Variants in FBXO28 observed in about 807,000 individuals in gnomAD.
The protein encoded by FBXO28 is F-box protein 28.
In FBXO28, 8 loss-of-function variants were observed where a neutral mutation model predicts 38.1. The observed-to-expected ratio is 0.21, with a 90% confidence interval of 0.12 to 0.38. FBXO28 has a LOEUF of 0.38. Among genes scored for constraint, FBXO28 ranks in the 10% least tolerant of loss-of-function variants. FBXO28 has a pLI of 1.00. For synonymous variants in FBXO28, 168 were observed against 173.8 expected, an observed-to-expected ratio of 0.97 and a Z score of 0.26; for missense variants, 345 against 460.6, an observed-to-expected ratio of 0.75 and a Z score of 2.30.
At chr1:224,128,633 TATA>T (rs890689830) in intron 1 of FBXO28, among the ~76,000 whole-genome samples, 12 of 152,132 alleles carry the variant, frequency 7.9e-5, no homozygotes, top group African/African-American at 2.2e-4. Context: ...CAAGAATGCA[TATA>T]AGTTGTACTC....
chr1:224,121,665 T>G (rs1341151663), intron 1 of FBXO28, among the ~76,000 whole-genome samples: 1 of 150,420 alleles, frequency 6.6e-6, no homozygotes, highest in African/African-American at 2.4e-5. Context: ...AAATAGAACT[T>G]TTTTTTTTTC....
rs536134793 is a variant in FBXO28 at position 224,120,405 on chromosome 1, T to G, written c.267+6009T>G. Among the ~76,000 whole-genome samples the G allele has an allele frequency of 1.9e-4, 29 of 152,366 alleles. 1 individual carries two copies. In the Middle Eastern group the frequency reaches 0.01, roughly 54 times the overall value. On this transcript the variant is annotated intron_variant, in intron 1 of 4. Coordinates refer to ENST00000366862, the MANE Select transcript of FBXO28 (RefSeq NM_015176.4). ...TTTATGTAGGTAATATTTCTAAGTT[T>G]CCATTGCATCATTATTGCACTTACT...
intron 2 of FBXO28, 31 bp downstream of exon 2, chr1:224,130,612 A>G (rs778389775): frequency 1.4e-6 from 2 of 1,460,844 alleles, no homozygotes; most frequent in Admixed American, 1.7e-5. Flanking sequence ...ACAATGATGT[A>G]CAGTTGGTTT....
intron 4 of FBXO28, among the ~76,000 whole-genome samples, chr1:224,157,134 A>C (rs1248562545): frequency 6.6e-6 from 1 of 152,204 alleles, no homozygotes; most frequent in Non-Finnish European, 1.5e-5. Flanking sequence ...GGCAGTCTAC[A>C]TACTGCCACA....
At chr1:224,142,621 G>T (rs933235617) in intron 3 of FBXO28, among the ~76,000 whole-genome samples, 1 of 151,944 alleles carries the variant, frequency 6.6e-6, no homozygotes, top group African/African-American at 2.4e-5. Context: ...TTCAAGACCA[G>T]CCTGGCCAAC....
chr1:224,123,502 T>C (rs1656828155), intron 1 of FBXO28, among the ~76,000 whole-genome samples: 1 of 146,948 alleles, frequency 6.8e-6, no homozygotes, highest in Non-Finnish European at 1.5e-5. Context: ...GATTCTAAGA[T>C]ATAAGGGTCT....
chr1:224,131,833 T>C (rs1488068691), intron 2 of FBXO28, among the ~76,000 whole-genome samples: 1 of 152,198 alleles, frequency 6.6e-6, no homozygotes, highest in Non-Finnish European at 1.5e-5. Context: ...GTAAAACTTT[T>C]GTGGCTCAAA....
intron 3 of FBXO28, chr1:224,134,483 T>C (rs1268252318): frequency 7.9e-6 from 2 of 253,086 alleles, no homozygotes; most frequent in East Asian, 2.0e-4. Flanking sequence ...GAGGTTTTAC[T>C]GGTGGTTATG....
chr1:224,116,788 T>G (rs1656652809), intron 1 of FBXO28, among the ~76,000 whole-genome samples: 1 of 152,224 alleles, frequency 6.6e-6, no homozygotes, highest in Non-Finnish European at 1.5e-5. Context: ...CAATAACATT[T>G]TTCAGTTATT....
At position 224,114,333 on chromosome 1, in the gene FBXO28, C is replaced by T. The variant is rs369409868; in HGVS notation, c.204C>T (p.Pro68=). 3 of 1,591,566 alleles carry T rather than the reference C, an allele frequency of 1.9e-6. No homozygotes were observed. Among genetic ancestry groups the T allele is most frequent in the Non-Finnish European group, 8.6e-7 (1 of 1,168,978 alleles). The change falls in exon 1 of 5, where the codon CCC becomes CCT. Residue 68 remains proline, a synonymous_variant. Transcript: ENST00000366862. The part of the protein sequence containing the change: ...LPQNNTLVAL[P]IVAIENILSF... ...AAAACAACACGCTTGTGGCGCTGCC[C>T]ATCGTAGCCATCGAGAACATCCTCA...
At chr1:224,135,478 G>C (rs905676585) in intron 3 of FBXO28, among the ~76,000 whole-genome samples, 1 of 151,958 alleles carries the variant, frequency 6.6e-6, no homozygotes, top group South Asian at 2.1e-4. Flanking sequence ...CGGCTGTAGT[G>C]GCTCGCACCT....
At chr1:224,157,265 A>G in intron 4 of FBXO28, 87 bp from the exon 5 acceptor site, 2 of 1,441,188 alleles carry the variant, frequency 1.4e-6, no homozygotes, top group Non-Finnish European at 1.9e-6. Context: ...GTGACATAGT[A>G]AGGGTATTCC....
At position 224,157,801 on chromosome 1, in the gene FBXO28, T is replaced by C. The variant is rs1440193058; in HGVS notation, c.*55T>C. 2.0e-5 allele frequency: 31 copies of C among 1,535,626 alleles called. No individual in the cohort carries two copies. Among genetic ancestry groups the C allele is most frequent in the Non-Finnish European group, 2.6e-5 (30 of 1,146,922 alleles). Reference sequence around the variant, plus strand: ...GACACAGCTTAGTAGCTTAAGCAGTTATGCATATCAGGATACTGTGAGCAA... The same window carrying C: ...GACACAGCTTAGTAGCTTAAGCAGTCATGCATATCAGGATACTGTGAGCAA... On this transcript the variant is annotated 3_prime_UTR_variant, in exon 5 of 5. Transcript: ENST00000366862.
chr1:224,147,851 A>T (rs1657548910), intron 3 of FBXO28, among the ~76,000 whole-genome samples: 1 of 151,620 alleles, frequency 6.6e-6, no homozygotes, highest in Admixed American at 6.6e-5. Flanking sequence ...AAAAAGATTA[A>T]ATCTACTCAG....
At chr1:224,128,231 TTATTA>T (rs1467533948) in intron 1 of FBXO28, among the ~76,000 whole-genome samples, 2 of 84,510 alleles carry the variant, frequency 2.4e-5, no homozygotes, top group South Asian at 4.1e-4. Context: ...ATGTCTTTTT[TTATTA>T]TTATTATTAT....
chr1:224,139,453 A>C lies in FBXO28; in HGVS notation c.516+5241A>C, dbSNP rs142462726. Among the ~76,000 whole-genome samples the C allele has an allele frequency of 1.3e-4, 19 of 151,856 alleles. No homozygotes were observed. The East Asian group carries it at 3.3e-3, about 26-fold the overall frequency. On this transcript the variant is annotated intron_variant, in intron 3 of 4. Transcript: ENST00000366862. ...GTTTGCTTTTATTTTCTCTTTATAA[A>C]TACATTTTGGCCGAGCACAGTGGCT...
intron 4 of FBXO28, among the ~76,000 whole-genome samples, chr1:224,155,767 T>C (rs1412565507): frequency 1.3e-5 from 2 of 152,244 alleles, no homozygotes; most frequent in Non-Finnish European, 2.9e-5. Context: ...TGTTATTTAT[T>C]GAGTACCTAT....
chr1:224,148,625 G>C (rs1417021338), intron 3 of FBXO28, among the ~76,000 whole-genome samples: 1 of 151,396 alleles, frequency 6.6e-6, no homozygotes, highest in Admixed American at 6.6e-5. Context: ...TCGCACCACC[G>C]CACTCCAGCC....
At chr1:224,126,481 A>G (rs1430352817) in intron 1 of FBXO28, among the ~76,000 whole-genome samples, 1 of 152,200 alleles carries the variant, frequency 6.6e-6, no homozygotes, top group Non-Finnish European at 1.5e-5. Flanking sequence ...AGGGTACCTC[A>G]GTTTATTTTT....
Sources: allele counts gnomAD v4.1 joint callset (sites outside exome capture counted in the v4.1 genomes callset), GRCh38; gene constraint gnomAD v4.1.1; transcripts MANE v1.5; gene names NCBI Gene and HGNC (gene_info 2026-07-23, HGNC 2026-07-21).